The following VPS8 variants were observed in gnomAD, a reference collection of about 807,000 sequenced individuals.
VPS8 encodes the protein vacuolar protein sorting-associated protein 8 homolog.
Under a neutral mutation model 216.4 loss-of-function variants are expected in VPS8, and 129 were observed. That is an observed-to-expected ratio of 0.60 (90% confidence interval 0.52 to 0.69). The LOEUF is 0.69. Among genes scored for constraint, VPS8 ranks in the 30% least tolerant of loss-of-function variants. The pLI is 0.00. For synonymous variants in VPS8, 571 were observed against 565.4 expected (o/e 1.01, Z -0.14); for missense variants, 1,531 against 1,683.5 (o/e 0.91, Z 1.59).
At chr3:184,981,098 GAGC>G (rs1282175971) in intron 40 of VPS8, among the ~76,000 whole-genome samples, 2 of 152,158 alleles carry the variant, frequency 1.3e-5, no homozygotes, top group African/African-American at 4.8e-5. Context: ...CAGCACTACT[GAGC>G]TGCTTGTTCT....
intron 11 of VPS8, 57 bp from the exon 12 acceptor site, chr3:184,853,800 T>G: frequency 6.5e-7 from 1 of 1,537,876 alleles, no homozygotes; most frequent in Non-Finnish European, 8.8e-7. Flanking sequence ...CAGGTAGAGA[T>G]AGTAGTGCCT....
At chr3:184,826,284 A>G (rs2108514475) in intron 3 of VPS8, 53 bp downstream of exon 3, 1 of 1,482,284 alleles carries the variant, frequency 6.7e-7, no homozygotes, top group Non-Finnish European at 9.3e-7. Flanking sequence ...TCATCTTAAT[A>G]CTTTTTGGAT....
rs1718355892 is a variant in VPS8, at chr3:184,824,782, T to C, written c.150T>C (p.Asp50=). 1 of 1,606,126 alleles carries C rather than the reference T, an allele frequency of 6.2e-7. No homozygotes were observed. Among genetic ancestry groups the C allele is most frequent in the East Asian group, 2.2e-5 (1 of 44,756 alleles). The change falls in exon 2 of 48, where the codon GAT becomes GAC. Residue 50 remains aspartate, a synonymous_variant. Coordinates refer to ENST00000625842, the MANE Select transcript of VPS8 (RefSeq NM_001009921.3). ...ACAAGGAACTGGAGTTCAAAAATGATCTGGTAAAAATTTCAATTTCTGTCA... is the reference window on the plus strand; with the variant it reads ...ACAAGGAACTGGAGTTCAAAAATGACCTGGTAAAAATTTCAATTTCTGTCA... ...DMDKELEFKN[D]LIDDKEFDIP...
intron 47 of VPS8, 85 bp downstream of exon 47, chr3:185,048,644 T>C: frequency 6.8e-7 from 1 of 1,469,282 alleles, no homozygotes; most frequent in South Asian, 1.2e-5. Flanking sequence ...AACCTCCCTC[T>C]AGCCTCCTTC....
rs984808132 is a variant in VPS8 at position 184,894,845 on chromosome 3, C to T, written c.1924C>T (p.His642Tyr). ...TPQVMKDLIV[H>Y]FQDKKLMENV... ...CCAAGTAATGAAAGACTTGATTGTT[C>T]ATTTCCAAGATAAAAAATTAATGGA... is the stretch of plus-strand genomic sequence containing the variant. The change falls in exon 23 of 48, where the codon CAT becomes TAT. Residue 642 changes from histidine (H) to tyrosine (Y), a missense_variant. Physicochemically the swap from His to Tyr is moderately conservative, Grantham distance 83. This residue lies in a region of VPS8 where 1,318 missense variants were observed against 1,468.4 expected (regional missense o/e 0.90). Transcript: ENST00000625842. 32 of 1,610,086 alleles carry T rather than the reference C, an allele frequency of 2.0e-5. No homozygotes were observed. Among genetic ancestry groups the T allele is most frequent in the Non-Finnish European group, 2.5e-5 (30 of 1,178,120 alleles).
At chr3:185,036,669 TTA>T (rs1020374088) in intron 46 of VPS8, among the ~76,000 whole-genome samples, 2 of 152,082 alleles carry the variant, frequency 1.3e-5, no homozygotes, top group African/African-American at 2.4e-5. Flanking sequence ...TTAATACCAT[TTA>T]TATATATACT....
chr3:184,821,325 A>G (rs867424200), intron 1 of VPS8, among the ~76,000 whole-genome samples: 16 of 151,966 alleles, frequency 1.1e-4, no homozygotes, highest in African/African-American at 3.1e-4. Flanking sequence ...GGCTTGAATA[A>G]TGTCAGAACT....
chr3:184,941,445 T>A (rs1742680176), intron 36 of VPS8, among the ~76,000 whole-genome samples: 1 of 150,232 alleles, frequency 6.7e-6, no homozygotes, highest in Non-Finnish European at 1.5e-5. Context: ...TTTAAATTCC[T>A]ATTAATCATG....
intron 7 of VPS8, chr3:184,839,997 C>A (rs1721821550): frequency 1.1e-6 from 1 of 912,538 alleles, no homozygotes; most frequent in Non-Finnish European, 1.4e-6. Flanking sequence ...GATCTCTCTG[C>A]AAACCTAGAC....
intron 36 of VPS8, among the ~76,000 whole-genome samples, chr3:184,948,355 T>C (rs1744068314): frequency 1.3e-5 from 2 of 151,324 alleles, no homozygotes; most frequent in African/African-American, 4.9e-5. Context: ...CTAAAACAAA[T>C]AAAAATGAAA....
chr3:184,995,490 TG>T (rs1185368133), intron 43 of VPS8, among the ~76,000 whole-genome samples: 4 of 152,126 alleles, frequency 2.6e-5, no homozygotes, highest in Non-Finnish European at 2.9e-5. Context: ...AAGATAATAC[TG>T]ATTGGAAAGA....
At chr3:184,905,038 G>C (rs1391614443) in intron 25 of VPS8, among the ~76,000 whole-genome samples, 1 of 152,174 alleles carries the variant, frequency 6.6e-6, no homozygotes, top group East Asian at 1.9e-4. Context: ...GAAGTTGGAA[G>C]GGCAAGTGGG....
intron 3 of VPS8, among the ~76,000 whole-genome samples, chr3:184,830,952 T>C (rs1719856781): frequency 6.6e-6 from 1 of 152,200 alleles, no homozygotes; most frequent in Admixed American, 6.5e-5. Flanking sequence ...TTAGATAACA[T>C]GGTTCTTAAA....
chr3:184,826,928 A>G (rs1410490237), intron 3 of VPS8, among the ~76,000 whole-genome samples: 1 of 152,214 alleles, frequency 6.6e-6, no homozygotes, highest in African/African-American at 2.4e-5. Context: ...GTGAGAGGAC[A>G]TGGTTGGTGA....
chr3:184,932,445 T>G (rs1740851551), intron 34 of VPS8, among the ~76,000 whole-genome samples: 1 of 152,150 alleles, frequency 6.6e-6, no homozygotes, highest in Admixed American at 6.6e-5. Context: ...TTGAAATTTA[T>G]AAAGCATTCA....
At chr3:185,038,892 G>C (rs899779907) in intron 46 of VPS8, among the ~76,000 whole-genome samples, 1 of 152,204 alleles carries the variant, frequency 6.6e-6, no homozygotes, top group African/African-American at 2.4e-5. Flanking sequence ...AAGATTTTCA[G>C]TGCACAGCCT....
chr3:184,925,767 T>G (rs1739476097), intron 30 of VPS8, among the ~76,000 whole-genome samples: 1 of 148,682 alleles, frequency 6.7e-6, no homozygotes, highest in Admixed American at 6.7e-5. Context: ...TTCTTTTCTC[T>G]CTCTATTTTT....
intron 40 of VPS8, among the ~76,000 whole-genome samples, chr3:184,975,697 T>C (rs1484724770): frequency 6.6e-6 from 1 of 152,164 alleles, no homozygotes; most frequent in African/African-American, 2.4e-5. Context: ...TTGTTATATA[T>C]GGCCTTTATT....
At chr3:184,934,134 T>C (rs1015801946) in intron 34 of VPS8, among the ~76,000 whole-genome samples, 1 of 152,174 alleles carries the variant, frequency 6.6e-6, no homozygotes, top group East Asian at 1.9e-4. Flanking sequence ...TAGTGCTCTC[T>C]GTGGGGAATT....
Sources: allele counts gnomAD v4.1 joint callset (sites outside exome capture counted in the v4.1 genomes callset), GRCh38; gene constraint gnomAD v4.1.1; regional missense constraint gnomAD v4.1.1; transcripts MANE v1.5; gene names NCBI Gene and HGNC (gene_info 2026-07-23, HGNC 2026-07-21).